DLGAP2: variants seen among roughly 807,000 people sequenced by gnomAD.
DLGAP2 encodes disks large-associated protein 2.
In DLGAP2, 26 loss-of-function variants were observed where a neutral mutation model predicts 100.3. The observed-to-expected ratio is 0.26, with a 90% CI of 0.19 to 0.36. The LOEUF is 0.36. DLGAP2 is among the 10% of genes least tolerant of loss of function. The probability of loss-of-function intolerance (pLI) is 1.00; values close to 1 mark genes in which losing one functional copy is unlikely to be tolerated. For synonymous variants in DLGAP2, 886 were observed against 630.1 expected (o/e 1.41, Z -6.08); for missense variants, 1,858 against 1,453.2 (o/e 1.28, Z -4.53).
chr8:1,327,627 G>A (rs1262336178), intron 3 of DLGAP2, among the ~76,000 whole-genome samples: 6 of 152,108 alleles, frequency 3.9e-5, no homozygotes, highest in African/African-American at 1.4e-4. Flanking sequence ...GGTGGATCAC[G>A]AGGTCAGGAG....
intron 2 of DLGAP2, among the ~76,000 whole-genome samples, chr8:982,232 C>T (rs1490632750): frequency 6.6e-6 from 1 of 152,238 alleles, no homozygotes; most frequent in African/African-American, 2.4e-5. Flanking sequence ...ACCTAACCCA[C>T]GGGTGACCGT....
chr8:1,326,189 T>C (rs1355987516), intron 3 of DLGAP2, among the ~76,000 whole-genome samples: 1 of 152,254 alleles, frequency 6.6e-6, no homozygotes, highest in African/African-American at 2.4e-5. Context: ...ATTAGCATGC[T>C]TTTACCATTT....
At chr8:1,204,648 G>A (rs369425010) in intron 2 of DLGAP2, among the ~76,000 whole-genome samples, 3 of 152,136 alleles carry the variant, frequency 2.0e-5, no homozygotes, top group Non-Finnish European at 1.5e-5. Context: ...TGGCTGATTC[G>A]CCAAAGAACC....
At chr8:866,359 C>T (rs1164013065) in intron 1 of DLGAP2, among the ~76,000 whole-genome samples, 1 of 152,210 alleles carries the variant, frequency 6.6e-6, no homozygotes, top group Non-Finnish European at 1.5e-5. Flanking sequence ...GAAGTCAGTG[C>T]CAGGCGGGCG....
chr8:1,191,893 G>T (rs916710571), intron 2 of DLGAP2, among the ~76,000 whole-genome samples: 1 of 152,118 alleles, frequency 6.6e-6, no homozygotes, highest in African/African-American at 2.4e-5. Flanking sequence ...GGTGCAGTTG[G>T]CCCCTCTGAG....
chr8:1,592,549 C>G (rs1470631670), intron 6 of DLGAP2, among the ~76,000 whole-genome samples: 1 of 152,086 alleles, frequency 6.6e-6, no homozygotes, highest in East Asian at 1.9e-4. Flanking sequence ...ATTCCAACAT[C>G]CTCCTAGTCC....
rs770250090 is a variant in DLGAP2 at position 1,287,314 on chromosome 8, CGTGTGT to C, written c.106+28445_106+28450del. 1.5e-3 allele frequency among the ~76,000 whole-genome samples: 116 copies of C among 75,726 alleles called. 3 individuals are homozygous for C. Among genetic ancestry groups the C allele is most frequent in the African/African-American group, 6.1e-3 (113 of 18,676 alleles). The allele number at this position is 75,726 out of a possible 152,430, so 49.7% of individuals were successfully genotyped here. On this transcript the variant is annotated intron_variant, in intron 3 of 14. Coordinates refer to ENST00000637795, the MANE Select transcript of DLGAP2 (RefSeq NM_001346810.2). ...AGGAGGGGAACTAGTTTCGGTTCAG[CGTGTGT>C]GTGTGTGTGTGTGCGTGGTTCTGTT...
At chr8:1,140,550 G>A (rs1044795125) in intron 2 of DLGAP2, among the ~76,000 whole-genome samples, 1 of 152,128 alleles carries the variant, frequency 6.6e-6, no homozygotes, top group African/African-American at 2.4e-5. Flanking sequence ...ACTCAGCCGG[G>A]CTGGGAGCTG....
chr8:983,933 C>G (rs1800414697), intron 2 of DLGAP2, among the ~76,000 whole-genome samples: 2 of 152,134 alleles, frequency 1.3e-5, no homozygotes, highest in African/African-American at 4.8e-5. Flanking sequence ...AGCCACTGTG[C>G]CTGACTGAGG....
intron 2 of DLGAP2, among the ~76,000 whole-genome samples, chr8:1,141,895 A>G (rs1380860549): frequency 6.6e-6 from 1 of 152,176 alleles, no homozygotes; most frequent in Non-Finnish European, 1.5e-5. Flanking sequence ...AATATTTTCA[A>G]AAATTTCTGA....
intron 3 of DLGAP2, among the ~76,000 whole-genome samples, chr8:1,321,171 G>A (rs1378292322): frequency 6.6e-6 from 1 of 151,144 alleles, no homozygotes; most frequent in African/African-American, 2.4e-5. Context: ...GTATGTGTCT[G>A]CGTCCATGTG....
intron 2 of DLGAP2, among the ~76,000 whole-genome samples, chr8:927,976 G>C (rs764811436): frequency 1.3e-5 from 2 of 152,202 alleles, no homozygotes; most frequent in African/African-American, 4.8e-5. Context: ...TTCCATAGCA[G>C]AGCAGAGGGA....
chr8:1,502,574 G>A (rs1243933307), intron 4 of DLGAP2, among the ~76,000 whole-genome samples: 7 of 152,306 alleles, frequency 4.6e-5, no homozygotes, highest in African/African-American at 7.2e-5. Flanking sequence ...GGAAATAGAC[G>A]AGTGAAAGTA....
At chr8:1,174,684 C>G (rs999581359) in intron 2 of DLGAP2, among the ~76,000 whole-genome samples, 10 of 124,656 alleles carry the variant, frequency 8.0e-5, no homozygotes, top group Non-Finnish European at 1.8e-4. Context: ...TCACCACCAT[C>G]ATCATTACCA....
chr8:1,693,177 T>TAACTATATATATA (rs1757018480), intron 13 of DLGAP2, among the ~76,000 whole-genome samples: 1 of 148,148 alleles, frequency 6.8e-6, no homozygotes, highest in Admixed American at 6.8e-5. Context: ...ATTTTATATA[T>TAACTATATATATA]ACAAATATAT....
At chr8:819,170 G>A (rs568962382) in intron 1 of DLGAP2, among the ~76,000 whole-genome samples, 3 of 152,274 alleles carry the variant, frequency 2.0e-5, no homozygotes, top group East Asian at 3.9e-4. Context: ...AATCTAGTTC[G>A]ATGTTAAGTA....
At chr8:1,437,303 A>C (rs138472626) in intron 3 of DLGAP2, among the ~76,000 whole-genome samples, 72 of 152,282 alleles carry the variant, frequency 4.7e-4, no homozygotes, top group African/African-American at 1.6e-3. Flanking sequence ...GCGCGAAGCC[A>C]TGCGGGTTTG....
intron 2 of DLGAP2, among the ~76,000 whole-genome samples, chr8:1,253,992 C>T (rs1404360591): frequency 3.3e-5 from 5 of 152,176 alleles, no homozygotes; most frequent in Admixed American, 6.5e-5. Context: ...TATTTTGGTT[C>T]GCGTTGGACG....
chr8:1,671,150 C>T (rs186853583), intron 10 of DLGAP2, among the ~76,000 whole-genome samples: 75 of 152,348 alleles, frequency 4.9e-4, no homozygotes, highest in Non-Finnish European at 8.8e-4. Flanking sequence ...GTGAAGGCAG[C>T]GGCCGAGACT....
Sources: gnomAD v4.1 joint callset for allele counts (sites outside exome capture counted in the v4.1 genomes callset) on GRCh38, gnomAD v4.1.1 for gene constraint, MANE v1.5 for transcripts, NCBI Gene and HGNC (gene_info 2026-07-23, HGNC 2026-07-21) for gene names.